The following SNAP25 variants were observed in gnomAD, a reference collection of about 807,000 sequenced individuals.
SNAP25 encodes the protein synaptosomal-associated protein 25.
SNAP25 carries 3 observed loss-of-function variants against 28.7 expected under a neutral mutation model. The ratio of observed to expected loss-of-function variants is 0.10; its 90% CI spans 0.05 to 0.27. The LOEUF is 0.27. Among genes scored for constraint, SNAP25 ranks in the 10% least tolerant of loss-of-function variants. SNAP25 has a pLI of 1.00. For synonymous variants in SNAP25, 61 were observed against 88.1 expected (o/e 0.69, Z 1.72); for missense variants, 117 against 278.7 (o/e 0.42, Z 4.13).
Position 10,275,569 on chromosome 20 carries a change from G to T in SNAP25, c.72+6G>T, listed in dbSNP as rs1197252182. 2 of 1,593,372 alleles carry T rather than the reference G, an allele frequency of 1.3e-6. No individual in the cohort carries two copies. Among genetic ancestry groups the T allele is most frequent in the African/African-American group, 2.7e-5 (2 of 74,694 alleles). The stretch of plus-strand genomic sequence containing the variant: ...CTGACCAGTTGGCTGATGAGGTAAG[G>T]AGTGGAGACCTAGGAAGGGAGGCAA... On this transcript the variant is annotated splice_donor_region_variant and intron_variant, in intron 2 of 7. Transcript: ENST00000254976.
intron 1 of SNAP25, among the ~76,000 whole-genome samples, chr20:10,235,271 G>A (rs2062898829): frequency 6.6e-6 from 1 of 151,728 alleles, no homozygotes; most frequent in African/African-American, 2.4e-5. Flanking sequence ...AAATACATGG[G>A]GACTATATAG....
chr20:10,274,279 T>C (rs2063648345), intron 1 of SNAP25, among the ~76,000 whole-genome samples: 1 of 152,128 alleles, frequency 6.6e-6, no homozygotes, highest in Non-Finnish European at 1.5e-5. Flanking sequence ...TTTGGAGTGA[T>C]AGCAGCTCAC....
At chr20:10,286,218 G>A (rs534009233) in intron 4 of SNAP25, among the ~76,000 whole-genome samples, 2 of 152,190 alleles carry the variant, frequency 1.3e-5, no homozygotes, top group South Asian at 4.2e-4. Flanking sequence ...AATACATGAG[G>A]TAGATCTTTA....
intron 5 of SNAP25, among the ~76,000 whole-genome samples, chr20:10,294,708 GC>G (rs541885361): frequency 1.0e-3 from 157 of 150,594 alleles, no homozygotes; most frequent in African/African-American, 3.5e-3. Flanking sequence ...CAGGAGTCTA[GC>G]AAAGATATTC....
At chr20:10,291,439 T>C (rs149037122) in intron 4 of SNAP25, among the ~76,000 whole-genome samples, 2 of 152,282 alleles carry the variant, frequency 1.3e-5, no homozygotes, top group African/African-American at 4.8e-5. Context: ...AAAGTTCTCC[T>C]GCACTACCTT....
Position 10,306,810 on chromosome 20 carries a change from C to G in SNAP25, c.*613C>G, listed in dbSNP as rs896065244. 1.3e-5 allele frequency: 2 copies of G among 154,640 alleles called. No individual in the cohort carries two copies. Among genetic ancestry groups the G allele is most frequent in the African/African-American group, 4.8e-5 (2 of 41,488 alleles). The allele number at this position is 154,640 out of a possible 1,614,324, so 9.6% of individuals were successfully genotyped here. On this transcript the variant is annotated 3_prime_UTR_variant, in exon 8 of 8. Coordinates refer to ENST00000254976, the MANE Select transcript of SNAP25 (RefSeq NM_130811.4). ...TAGCATACTGATGAGACAACACACA[C>G]ACACACAAAACAACAGCAACAACAA...
chr20:10,304,490 A>G (rs901887611), intron 7 of SNAP25, among the ~76,000 whole-genome samples: 69 of 152,340 alleles, frequency 4.5e-4, no homozygotes, highest in African/African-American at 1.4e-3. Context: ...CTGTATTCGT[A>G]TGATAAAGTA....
intron 4 of SNAP25, among the ~76,000 whole-genome samples, chr20:10,290,213 A>C (rs1270240117): frequency 2.0e-5 from 3 of 152,214 alleles, no homozygotes; most frequent in Non-Finnish European, 4.4e-5. Flanking sequence ...AAACATCTCC[A>C]CAAACATAAC....
chr20:10,283,031 C>A (rs1282904215), intron 3 of SNAP25, among the ~76,000 whole-genome samples: 1 of 152,176 alleles, frequency 6.6e-6, no homozygotes, highest in African/African-American at 2.4e-5. Context: ...CCTACTGAAT[C>A]AGAATCTACA....
chr20:10,290,617 A>C (rs1666167608), intron 4 of SNAP25, among the ~76,000 whole-genome samples: 2 of 151,102 alleles, frequency 1.3e-5, no homozygotes, highest in African/African-American at 2.4e-5. Flanking sequence ...ATGGGTCCCT[A>C]ATATCTTGTC....
chr20:10,249,802 C>T (rs2063193932), intron 1 of SNAP25, among the ~76,000 whole-genome samples: 1 of 152,110 alleles, frequency 6.6e-6, no homozygotes, highest in Non-Finnish European at 1.5e-5. Flanking sequence ...CTAACAAGAA[C>T]CCTGCAAAGC....
chr20:10,265,874 G>T (rs777731061), intron 1 of SNAP25, among the ~76,000 whole-genome samples: 7 of 152,136 alleles, frequency 4.6e-5, no homozygotes, highest in Non-Finnish European at 8.8e-5. Context: ...TGTTCAGTAC[G>T]TGATCCAATC....
chr20:10,299,021 G>T (rs1235742482), intron 6 of SNAP25, among the ~76,000 whole-genome samples: 1 of 152,156 alleles, frequency 6.6e-6, no homozygotes, highest in Non-Finnish European at 1.5e-5. Context: ...TGGAAGGAGT[G>T]AGAAAGTAGA....
chr20:10,254,354 T>A (rs79922376), intron 1 of SNAP25, among the ~76,000 whole-genome samples: 5,363 of 152,294 alleles, frequency 0.035, 137 homozygotes, highest in Middle Eastern at 0.095. Context: ...TGGAGGATGA[T>A]GCTGATGCTG....
chr20:10,275,497 C>T lies in SNAP25; in HGVS notation c.6C>T (p.Ala2=), dbSNP rs11547858. The change falls in exon 2 of 8, where the codon GCC becomes GCT. Residue 2 remains alanine (A), a synonymous_variant. Transcript: ENST00000254976. ...AGCCACTCCCCACCGCTACCATGGC[C>T]GAAGACGCAGACATGCGCAATGAGC... M[A]EDADMRNELE... is the part of the protein sequence containing the mutation. The T allele has an allele frequency of 7.0e-5, 113 of 1,603,960 alleles. No homozygotes were observed. In the African/African-American group the frequency reaches 1.3e-3, roughly 18 times the overall value.
intron 7 of SNAP25, among the ~76,000 whole-genome samples, chr20:10,301,204 T>C (rs1041949536): frequency 2.6e-5 from 4 of 152,210 alleles, no homozygotes; most frequent in African/African-American, 9.7e-5. Flanking sequence ...AGTTCTCATC[T>C]TTAGGGAGAA....
chr20:10,243,106 C>T (rs895177394), intron 1 of SNAP25, among the ~76,000 whole-genome samples: 4 of 152,198 alleles, frequency 2.6e-5, no homozygotes, highest in Non-Finnish European at 4.4e-5. Flanking sequence ...GAATGTAGAT[C>T]AGTGGTTTCC....
chr20:10,296,265 C>T (rs1293665285), intron 5 of SNAP25: 2 of 152,250 alleles, frequency 1.3e-5, no homozygotes, highest in Non-Finnish European at 2.9e-5. Flanking sequence ...AAGGTTTGTA[C>T]ATCAACTCTG....
intron 1 of SNAP25, among the ~76,000 whole-genome samples, chr20:10,251,106 A>G (rs944436675): frequency 1.1e-4 from 16 of 152,236 alleles, no homozygotes; most frequent in African/African-American, 3.9e-4. Context: ...AAAAAATGTT[A>G]TAAAGATGTG....
Sources: gnomAD v4.1 joint callset for allele counts (sites outside exome capture counted in the v4.1 genomes callset) on GRCh38, gnomAD v4.1.1 for gene constraint, MANE v1.5 for transcripts, NCBI Gene and HGNC (gene_info 2026-07-23, HGNC 2026-07-21) for gene names.